XKR9: variants seen among roughly 807,000 people sequenced by gnomAD.
XKR9 encodes XK related 9.
XKR9 carries 32 observed loss-of-function variants against 32.0 expected under a neutral mutation model. The ratio of observed to expected loss-of-function variants is 1.00; its 90% CI spans 0.76 to 1.34. The LOEUF is 1.34. Ranked by LOEUF, XKR9 falls within the 40% of genes most tolerant of loss-of-function variation. The pLI is 0.00. For synonymous variants in XKR9, 168 were observed against 143.4 expected (o/e 1.17, Z -1.22); for missense variants, 546 against 429.7 (o/e 1.27, Z -2.39).
intron 2 of XKR9, among the ~76,000 whole-genome samples, chr8:70,748,960 C>A (rs551331696): frequency 1.3e-5 from 2 of 152,274 alleles, no homozygotes; most frequent in South Asian, 4.1e-4. Context: ...CATAAAGGAG[C>A]TACCCACCAT....
At chr8:70,712,500 C>G (rs542190139) in intron 4 of XKR9, among the ~76,000 whole-genome samples, 2 of 152,038 alleles carry the variant, frequency 1.3e-5, no homozygotes, top group Admixed American at 6.6e-5. Context: ...TGAGGAACCT[C>G]TCTCCCCTAG....
chr8:70,693,115 G>A (rs1213744667), intron 3 of XKR9, among the ~76,000 whole-genome samples: 1 of 152,122 alleles, frequency 6.6e-6, no homozygotes, highest in Non-Finnish European at 1.5e-5. Flanking sequence ...GCTTTTTGAT[G>A]ACACTTGGCA....
Position 70,735,886 on chromosome 8 carries a change from C to T in XKR9, c.*1462C>T, listed in dbSNP as rs1806851351. 6.6e-6 allele frequency: 1 copy of T among 151,692 alleles called. No homozygotes were observed. Among genetic ancestry groups the T allele is most frequent in the African/African-American group, 2.4e-5 (1 of 41,216 alleles). 9.4% of individuals were successfully genotyped at this position (151,692 alleles called of 1,614,324 possible). A position where few individuals can be genotyped will look rare whatever the true frequency, so the allele number is the denominator to read the frequency against. On this transcript the variant is annotated 3_prime_UTR_variant, in exon 5 of 5. Coordinates refer to ENST00000408926, the MANE Select transcript of XKR9 (RefSeq NM_001011720.2). ...TGTTGTTGGACATTTGGGTTGGTTC[C>T]AAGTCTTTGCTATTGTGAATAGTGC...
the XKR9 span, among the ~76,000 whole-genome samples, chr8:70,933,878 A>G: frequency 6.6e-6 from 1 of 152,074 alleles, no homozygotes; most frequent in African/African-American, 2.4e-5. Flanking sequence ...TTTATGGAGC[A>G]CTTGTTGAGC....
the XKR9 span, among the ~76,000 whole-genome samples, chr8:71,012,966 A>G: frequency 2.0e-5 from 3 of 152,194 alleles, no homozygotes; most frequent in South Asian, 4.1e-4. Flanking sequence ...TTATCCCTTC[A>G]TAACACAAGC....
chr8:70,845,042 A>G, the XKR9 span, among the ~76,000 whole-genome samples: 1 of 152,192 alleles, frequency 6.6e-6, no homozygotes, highest in Non-Finnish European at 1.5e-5. Flanking sequence ...AAGGACAGGC[A>G]TGCCTGGCCC....
the XKR9 span, among the ~76,000 whole-genome samples, chr8:70,944,605 AT>A: frequency 6.6e-6 from 1 of 152,142 alleles, no homozygotes; most frequent in African/African-American, 2.4e-5. Flanking sequence ...GAATGAAGAA[AT>A]TTCTTGCGCT....
At chr8:70,737,078 T>C (rs1177137732), downstream of XKR9, among the ~76,000 whole-genome samples, 2 of 151,608 alleles carry the variant, frequency 1.3e-5, no homozygotes, top group Non-Finnish European at 3.0e-5. Context: ...ATTTTCATGA[T>C]ATTGATTCTT....
chr8:71,063,791 A>G, the XKR9 span, among the ~76,000 whole-genome samples: 1 of 152,224 alleles, frequency 6.6e-6, no homozygotes, highest in African/African-American at 2.4e-5. Context: ...GAATAATGCT[A>G]GCTATTGAAA....
intron 3 of XKR9, among the ~76,000 whole-genome samples, chr8:70,692,585 C>A (rs1166568120): frequency 1.6e-5 from 2 of 121,344 alleles, no homozygotes; most frequent in Admixed American, 1.5e-4. Context: ...TATTATTATT[C>A]TTATTTTTTT....
At chr8:70,728,901 G>T (rs373828081) in intron 4 of XKR9, among the ~76,000 whole-genome samples, 2 of 152,164 alleles carry the variant, frequency 1.3e-5, no homozygotes, top group African/African-American at 4.8e-5. Flanking sequence ...CCGTGGGCTT[G>T]TACCTCAAAT....
At chr8:70,777,469 C>A (rs909921096) in intron 2 of XKR9, among the ~76,000 whole-genome samples, 3 of 152,124 alleles carry the variant, frequency 2.0e-5, no homozygotes, top group African/African-American at 7.2e-5. Flanking sequence ...TGGGTATATA[C>A]CCAGTAATGG....
chr8:70,860,058 G>A, the XKR9 span, among the ~76,000 whole-genome samples: 18 of 152,104 alleles, frequency 1.2e-4, no homozygotes, highest in South Asian at 6.2e-4. Context: ...TGACTTGATC[G>A]TTACACATTC....
the XKR9 span, among the ~76,000 whole-genome samples, chr8:70,802,761 T>G: frequency 6.6e-6 from 1 of 152,242 alleles, no homozygotes; most frequent in Non-Finnish European, 1.5e-5. Context: ...GGATAAGAAA[T>G]TCTTGGTTAG....
the XKR9 span, among the ~76,000 whole-genome samples, chr8:70,978,391 T>C: frequency 2.0e-5 from 3 of 152,198 alleles, no homozygotes; most frequent in Non-Finnish European, 4.4e-5. Context: ...CCTTTCCGTG[T>C]TTAGTGCTTC....
chr8:70,863,042 C>T, the XKR9 span, among the ~76,000 whole-genome samples: 3 of 152,042 alleles, frequency 2.0e-5, no homozygotes, highest in African/African-American at 7.2e-5. Flanking sequence ...GTGTTGTCAG[C>T]GTGCAGTAGC....
chr8:70,846,827 A>G, the XKR9 span, among the ~76,000 whole-genome samples: 2 of 152,166 alleles, frequency 1.3e-5, no homozygotes, highest in East Asian at 3.9e-4. Flanking sequence ...ACTTAATACC[A>G]GAGCATCCAA....
the XKR9 span, among the ~76,000 whole-genome samples, chr8:70,986,773 G>T: frequency 6.6e-6 from 1 of 152,198 alleles, no homozygotes; most frequent in Non-Finnish European, 1.5e-5. Context: ...ACTCCAGGCA[G>T]ACTCAGTACT....
At chr8:70,844,368 C>A in the XKR9 span, among the ~76,000 whole-genome samples, 2 of 152,136 alleles carry the variant, frequency 1.3e-5, no homozygotes, top group African/African-American at 4.8e-5. Context: ...CGCTGAAGGC[C>A]AAAGCACCCT....
Sources: allele counts gnomAD v4.1 joint callset (sites outside exome capture counted in the v4.1 genomes callset), GRCh38; gene constraint gnomAD v4.1.1; transcripts MANE v1.5; gene names NCBI Gene and HGNC (gene_info 2026-07-23, HGNC 2026-07-21).